The following COLEC11 variants were observed in gnomAD, a reference collection of about 807,000 sequenced individuals.
The protein encoded by COLEC11 is collectin subfamily member 11, also known as collectin-11.
Under a neutral mutation model 27.3 loss-of-function variants are expected in COLEC11, and 20 were observed. The observed-to-expected ratio is 0.73, with a 90% CI of 0.51 to 1.06. COLEC11 has a LOEUF of 1.06. Among genes scored for constraint, COLEC11 ranks in the 50% least tolerant of loss-of-function variants. The pLI is 0.00. For synonymous variants in COLEC11, 163 were observed against 154.7 expected, an observed-to-expected ratio of 1.05 and a Z score of -0.40; for missense variants, 310 against 383.0, an observed-to-expected ratio of 0.81 and a Z score of 1.59.
chr2:3,612,429 A>G (rs1173861173), intron 2 of COLEC11, among the ~76,000 whole-genome samples: 3 of 152,160 alleles, frequency 2.0e-5, no homozygotes, highest in Non-Finnish European at 4.4e-5. Flanking sequence ...ACCAGGTGAG[A>G]AGGCGGACCC....
rs897686592 is a variant in COLEC11 at position 3,602,103 on chromosome 2, C to A, written c.-26-2212C>A. 5 of 152,246 alleles carry A rather than the reference C, an allele frequency of 3.3e-5. No homozygotes were observed. Among genetic ancestry groups the A allele is most frequent in the Non-Finnish European group, 7.3e-5 (5 of 68,088 alleles). The allele number at this position is 152,246 out of a possible 1,614,324, so 9.4% of individuals were successfully genotyped here. On this transcript the variant is annotated intron_variant, in intron 1 of 6. Coordinates refer to ENST00000349077, the MANE Select transcript of COLEC11 (RefSeq NM_024027.5). The surrounding 1 kb of genome is among the most constrained non-coding windows in gnomAD (Gnocchi z 6.2). ...TTTCGGGATCTGTCCGGACCACCCTCCCCTGGCTTTTGTAGCAGGGCTCTC... is the reference window on the plus strand; with the variant it reads ...TTTCGGGATCTGTCCGGACCACCCTACCCTGGCTTTTGTAGCAGGGCTCTC...
At chr2:3,623,441 A>G (rs1165242204) in intron 3 of COLEC11, among the ~76,000 whole-genome samples, 2 of 152,032 alleles carry the variant, frequency 1.3e-5, no homozygotes, top group Non-Finnish European at 2.9e-5. Context: ...AGCTTTCTTG[A>G]TGGTGTCCTT....
At chr2:3,635,890 A>G (rs1351583792) in intron 3 of COLEC11, among the ~76,000 whole-genome samples, 1 of 152,200 alleles carries the variant, frequency 6.6e-6, no homozygotes, top group Non-Finnish European at 1.5e-5. Flanking sequence ...TCATAGCCAG[A>G]TAAGAGAATG....
intron 2 of COLEC11, chr2:3,605,195 C>A: frequency 2.2e-6 from 1 of 450,892 alleles, no homozygotes; most frequent in Non-Finnish European, 4.6e-6. Flanking sequence ...TTACAGAACC[C>A]AAGAAGGGAC....
intron 2 of COLEC11, chr2:3,605,921 C>A: frequency 1.3e-6 from 1 of 755,810 alleles, no homozygotes; most frequent in Non-Finnish European, 2.0e-6. Context: ...TGTTGGAAAC[C>A]AAGTGGACTG....
At chr2:3,625,625 C>CTTTTTTTTTTTTTTTTTTTTTT (rs60222284) in intron 3 of COLEC11, among the ~76,000 whole-genome samples, 6 of 91,454 alleles carry the variant, frequency 6.6e-5, no homozygotes, top group Non-Finnish European at 9.6e-5. Flanking sequence ...TTCTTTTTTA[C>CTTTTTTTTTTTTTTTTTTTTTT]TTTTTTTTTT....
intron 3 of COLEC11, among the ~76,000 whole-genome samples, chr2:3,614,908 T>C (rs1663535291): frequency 6.6e-6 from 1 of 152,212 alleles, no homozygotes; most frequent in Admixed American, 6.5e-5. Flanking sequence ...ATAACATCAG[T>C]CTTCCCAATA....
chr2:3,631,509 G>C (rs1028737093), intron 3 of COLEC11, among the ~76,000 whole-genome samples: 1 of 152,098 alleles, frequency 6.6e-6, no homozygotes, highest in Non-Finnish European at 1.5e-5. Flanking sequence ...TCCCCCAAAG[G>C]CCTCCCTGCA....
chr2:3,605,133 C>T, intron 2 of COLEC11: 1 of 466,938 alleles, frequency 2.1e-6, no homozygotes, highest in South Asian at 1.6e-5. Flanking sequence ...AACAGGTCCC[C>T]AAGCCTGGGG....
intron 2 of COLEC11, among the ~76,000 whole-genome samples, chr2:3,612,618 A>G (rs12468922): frequency 0.66 from 100,595 of 151,930 alleles, 34,276 homozygotes; most frequent in South Asian, 0.87. Context: ...TGTGGATTAG[A>G]GTGGGGGGAG....
intron 5 of COLEC11, among the ~76,000 whole-genome samples, chr2:3,642,235 T>G (rs1268721971): frequency 6.6e-6 from 1 of 152,216 alleles, no homozygotes; most frequent in Non-Finnish European, 1.5e-5. Flanking sequence ...ACTGTCTGCC[T>G]GGGCCCAGAT....
chr2:3,596,887 C>T (rs547144125), intron 1 of COLEC11, among the ~76,000 whole-genome samples: 10 of 152,230 alleles, frequency 6.6e-5, no homozygotes, highest in Non-Finnish European at 8.8e-5. Flanking sequence ...GAGACTCCTT[C>T]GGGCGCCTGG....
intron 3 of COLEC11, among the ~76,000 whole-genome samples, chr2:3,636,946 CA>C (rs1488516656): frequency 1.3e-5 from 2 of 152,194 alleles, no homozygotes; most frequent in East Asian, 3.9e-4. Flanking sequence ...GGACAGGGGC[CA>C]GCAGGTCACG....
intron 4 of COLEC11, among the ~76,000 whole-genome samples, chr2:3,639,669 C>T (rs1362932393): frequency 6.6e-6 from 1 of 152,202 alleles, no homozygotes. Flanking sequence ...TTGTTCAACC[C>T]CCTTGTTTTG....
At chr2:3,623,572 A>C (rs1181957864) in intron 3 of COLEC11, among the ~76,000 whole-genome samples, 3 of 151,486 alleles carry the variant, frequency 2.0e-5, no homozygotes, top group Non-Finnish European at 4.4e-5. Flanking sequence ...TTGTTTGATC[A>C]ATTCTGCTCT....
intron 3 of COLEC11, among the ~76,000 whole-genome samples, chr2:3,622,963 A>G (rs149621747): frequency 1.3e-5 from 2 of 152,192 alleles, no homozygotes; most frequent in East Asian, 3.9e-4. Flanking sequence ...TTTCCTTTAC[A>G]TTTCTTGTAA....
At chr2:3,629,708 C>T (rs1192834268) in intron 3 of COLEC11, among the ~76,000 whole-genome samples, 1 of 151,980 alleles carries the variant, frequency 6.6e-6, no homozygotes, top group Non-Finnish European at 1.5e-5. Context: ...GTGAGTATGC[C>T]TTTGTCTATG....
chr2:3,643,316 T>C (rs1444266004), intron 5 of COLEC11, 128 bp from the exon 6 acceptor site: 7 of 768,378 alleles, frequency 9.1e-6, no homozygotes, highest in African/African-American at 6.8e-5. Flanking sequence ...TGATGGTTAT[T>C]GCGGCCTCAA....
rs60222284 is a variant in COLEC11 at position 3,625,625 on chromosome 2, C to CTTT, written c.203-11891_203-11889dup. ...GGAAAGTTTCTTTTCTTCTTTTTTA[C>CTTT]TTTTTTTTTTTTTTTTTTTGAGACA... On this transcript the variant is annotated intron_variant, in intron 3 of 6. Coordinates refer to ENST00000349077, the MANE Select transcript of COLEC11 (RefSeq NM_024027.5). Among the ~76,000 whole-genome samples, 9 of 91,448 alleles carry CTTT rather than the reference C, an allele frequency of 9.8e-5. 1 individual carries two copies. The highest frequency in any genetic ancestry group is 7.3e-4 in the East Asian group (2 of 2,758). The allele number at this position is 91,448 out of a possible 152,430, so 60.0% of individuals were successfully genotyped here.
Sources: allele counts gnomAD v4.1 joint callset (sites outside exome capture counted in the v4.1 genomes callset), GRCh38; gene constraint gnomAD v4.1.1; non-coding constraint Gnocchi (gnomAD v3.1); transcripts MANE v1.5; gene names NCBI Gene and HGNC (gene_info 2026-07-23, HGNC 2026-07-21).